Variants in LST1 observed in about 807,000 individuals in gnomAD.
LST1 encodes the protein leukocyte specific transcript 1, also known as leukocyte-specific transcript 1 protein.
Under a neutral mutation model 8.5 loss-of-function variants are expected in LST1, and 9 were observed. The ratio of observed to expected loss-of-function variants is 1.06; its 90% confidence interval spans 0.64 to 1.85. LST1 has a LOEUF of 1.85. Ranked by LOEUF, LST1 falls within the 40% of genes most tolerant of loss-of-function variation. The pLI is 0.00. For missense variants in LST1, 121 were observed against 117.1 expected (o/e 1.03, Z -0.16); for synonymous variants, 53 against 50.4 (o/e 1.05, Z -0.21).
chr6:31,588,604 CAGAGACA>C lies in LST1; in HGVS notation c.228_234del (p.Asp76GlufsTer42). On this transcript the variant is annotated frameshift_variant, in exon 5 of 5. Coordinates refer to ENST00000438075, the MANE Select transcript of LST1 (RefSeq NM_205839.3). LOFTEE classifies it low-confidence loss of function (END_TRUNC). ...GCAGTGAGGGACCTGACCTCAGGGG[CAGAGACA>C]AGAGAGGCACCAAGGAGGATCCAAG... The C allele has an allele frequency of 6.2e-7, 1 of 1,613,078 alleles. No individual in the cohort carries two copies. Among genetic ancestry groups the C allele is most frequent in the Non-Finnish European group, 8.5e-7 (1 of 1,180,014 alleles).
chr6:31,587,251 CA>C lies in LST1; in HGVS notation c.-47del. ...CCCCTGATCATTTCGCCTAAAAGAG[CA>C]AGGACTAGAGTTCCTGACCTCCAGG... On this transcript the variant is annotated 5_prime_UTR_variant, in exon 2 of 5. Coordinates refer to ENST00000438075, the MANE Select transcript of LST1 (RefSeq NM_205839.3). 7.7e-7 allele frequency: 1 copy of C among 1,303,076 alleles called. No individual in the cohort carries two copies. The highest frequency in any genetic ancestry group is 1.1e-6 in the Non-Finnish European group (1 of 896,992). The allele number at this position is 1,303,076 out of a possible 1,614,324, so 80.7% of individuals were successfully genotyped here. A position where few individuals can be genotyped will look rare whatever the true frequency, so the allele number is the denominator to read the frequency against.
intron 4 of LST1, 110 bp from the exon 5 acceptor site, chr6:31,588,407 AG>A: frequency 9.9e-7 from 1 of 1,014,694 alleles, no homozygotes; most frequent in Non-Finnish European, 1.4e-6. Context: ...AGAGAGGGAG[AG>A]AGAGAGAGAG....
At chr6:31,588,306 A>C in intron 4 of LST1, 1 of 630,710 alleles carries the variant, frequency 1.6e-6, no homozygotes, top group South Asian at 2.1e-5. Context: ...TGAGGCAGGA[A>C]GATAGCTTGA....
chr6:31,588,596 C>T lies in LST1; in HGVS notation c.214C>T (p.Leu72Phe). Reference sequence around the variant, plus strand: ...AGTGCCCAGCAGTGAGGGACCTGACCTCAGGGGCAGAGACAAGAGAGGCAC... The same window carrying T: ...AGTGCCCAGCAGTGAGGGACCTGACTTCAGGGGCAGAGACAAGAGAGGCAC... ...LPVPSSEGPDLRGRDKRGTKE... is the reference protein window; with the variant it reads ...LPVPSSEGPDFRGRDKRGTKE... Residue 72 changes from leucine (L) to phenylalanine (F), a missense_variant, in exon 5 of 5, where the codon CTC (leucine) becomes TTC (phenylalanine). By Grantham distance (22) the Leu-to-Phe change is conservative. Coordinates refer to ENST00000438075, the MANE Select transcript of LST1 (RefSeq NM_205839.3). 1 of 1,613,074 alleles carries T rather than the reference C, an allele frequency of 6.2e-7. No individual in the cohort carries two copies. Among genetic ancestry groups the T allele is most frequent in the South Asian group, 1.1e-5 (1 of 91,078 alleles).
At position 31,587,937 on chromosome 6, in the gene LST1, C is replaced by G. The variant is rs1243329221; in HGVS notation, c.113-7C>G. ...TGGGCTGTGTTGAGCTTCTTCTTTT[C>G]TTCCAGTAAAGAGGCTGGAGAGGAG... On this transcript the variant is annotated splice_polypyrimidine_tract_variant and splice_region_variant and intron_variant, in intron 3 of 4. Coordinates refer to ENST00000438075, the MANE Select transcript of LST1 (RefSeq NM_205839.3). 6.2e-7 allele frequency: 1 copy of G among 1,609,764 alleles called. No individual in the cohort carries two copies. Among genetic ancestry groups the G allele is most frequent in the Non-Finnish European group, 8.5e-7 (1 of 1,178,354 alleles).
rs41266647 is a variant in LST1 at position 31,588,224 on chromosome 6, A to AAG, written c.135+275_135+276dup. ...AGAGACACAAAGAGAAGAGCAATGA[A>AAG]AGAGAGAGAGAGAGAGAGGCTCCAG... On this transcript the variant is annotated intron_variant, in intron 4 of 4. Transcript: ENST00000438075. The AAG allele has an allele frequency of 4.7e-3, 2,584 of 550,594 alleles. 41 individuals are homozygous for AAG. In the East Asian group the frequency reaches 0.068, roughly 14 times the overall value. The allele number at this position is 550,594 out of a possible 1,614,324, so 34.1% of individuals were successfully genotyped here. A position where few individuals can be genotyped will look rare whatever the true frequency, so the allele number is the denominator to read the frequency against.
In LST1 at chr6:31,587,288, A is replaced by T. The variant is rs1172551918; in HGVS notation, c.-12A>T. The T allele has an allele frequency of 6.2e-7, 1 of 1,605,396 alleles. No homozygotes were observed. The highest frequency in any genetic ancestry group is 2.2e-5 in the East Asian group (1 of 44,834). ...TTCCTGACCTCCAGGCCAGTCCCTG[A>T]TCCCTGACCTAATGTTATCGCGGAA... On this transcript the variant is annotated 5_prime_UTR_variant, in exon 2 of 5. Transcript: ENST00000438075.
At position 31,587,742 on chromosome 6, in the gene LST1, T is replaced by C; in HGVS notation, c.112+9T>C. Reference sequence around the variant, plus strand: ...TTGGCTGCATCGAAGAGGTGAGCGCTGCACTCCCTCCCTCCCCCTGCAGCA... The same window carrying C: ...TTGGCTGCATCGAAGAGGTGAGCGCCGCACTCCCTCCCTCCCCCTGCAGCA... On this transcript the variant is annotated intron_variant, in intron 3 of 4. Transcript: ENST00000438075. 6.3e-7 allele frequency: 1 copy of C among 1,580,038 alleles called. No homozygotes were observed. Among genetic ancestry groups the C allele is most frequent in the Non-Finnish European group, 8.6e-7 (1 of 1,162,360 alleles).
intron 1 of LST1, chr6:31,586,593 G>A (rs1233771742): frequency 6.6e-6 from 1 of 152,222 alleles, no homozygotes; most frequent in Non-Finnish European, 1.5e-5. Flanking sequence ...CTGGCTCTGG[G>A]GTGAAGAGAA....
intron 1 of LST1, chr6:31,586,937 G>A (rs9469027): frequency 2.1e-5 from 7 of 339,060 alleles, no homozygotes; most frequent in East Asian, 5.5e-5. Context: ...TCCAAACCAC[G>A]TGGTCAGCCC....
intron 1 of LST1, 189 bp from the exon 2 acceptor site, chr6:31,587,011 T>A: frequency 1.8e-6 from 1 of 558,120 alleles, no homozygotes; most frequent in Non-Finnish European, 3.2e-6. Context: ...CAGCTCCACC[T>A]TTCTGGGATG....
In LST1 at chr6:31,587,317, T is replaced by C; in HGVS notation, c.18T>C (p.Asp6=). Residue 6 remains aspartate, a splice_region_variant and synonymous_variant, in exon 2 of 5, where the codon GAT becomes GAC. Transcript: ENST00000438075. MLSRN[D]DICIYGGLGL... Reference sequence around the variant, plus strand: ...CTGACCTAATGTTATCGCGGAATGATGGTAAGTAAAGTGTCTCTTGCATCT... The same window carrying C: ...CTGACCTAATGTTATCGCGGAATGACGGTAAGTAAAGTGTCTCTTGCATCT... 1 of 1,613,002 alleles carries C rather than the reference T, an allele frequency of 6.2e-7. No individual in the cohort carries two copies. The highest frequency in any genetic ancestry group is 8.5e-7 in the Non-Finnish European group (1 of 1,179,028).
chr6:31,587,033 A>G, intron 1 of LST1, 167 bp from the exon 2 acceptor site: 1 of 578,252 alleles, frequency 1.7e-6, no homozygotes, highest in Non-Finnish European at 3.1e-6. Flanking sequence ...GTGACCTAGT[A>G]AAGTCCAGGC....
chr6:31,588,394 G>A (rs1772224840), intron 4 of LST1, 124 bp from the exon 5 acceptor site: 1 of 929,914 alleles, frequency 1.1e-6, no homozygotes, highest in Non-Finnish European at 1.6e-6. Flanking sequence ...GAGAGAGAGA[G>A]AGAGAGAGGG....
chr6:31,588,076 G>A, intron 4 of LST1, 110 bp downstream of exon 4: 4 of 1,118,204 alleles, frequency 3.6e-6, no homozygotes, highest in Non-Finnish European at 5.1e-6. Context: ...GACAAGGAGA[G>A]AGAAAGTAGG....
Position 31,587,626 on chromosome 6 carries a change from C to T in LST1, c.20-15C>T. The T allele has an allele frequency of 1.3e-6, 2 of 1,527,350 alleles. No homozygotes were observed. The highest frequency in any genetic ancestry group is 1.8e-6 in the Non-Finnish European group (2 of 1,115,424). 94.6% of individuals were successfully genotyped at this position (1,527,350 alleles called of 1,614,324 possible). A position where few individuals can be genotyped will look rare whatever the true frequency, so the allele number is the denominator to read the frequency against. On this transcript the variant is annotated splice_polypyrimidine_tract_variant and intron_variant, in intron 2 of 4. Transcript: ENST00000438075. ...AAGGAATGGGCTTCCTAACCTTGAG[C>T]CCTCTTCCCTGAAGATATATGTATC...
rs143086044 is a variant in LST1 at position 31,588,301 on chromosome 6, C to G, written c.136-217C>G. 558 of 623,118 alleles carry G rather than the reference C, an allele frequency of 9.0e-4. 2 individuals are homozygous for G. The highest frequency in any genetic ancestry group is 6.7e-3 in the African/African-American group (355 of 52,938). 38.6% of individuals were successfully genotyped at this position (623,118 alleles called of 1,614,324 possible). On this transcript the variant is annotated intron_variant, in intron 4 of 4. Coordinates refer to ENST00000438075, the MANE Select transcript of LST1 (RefSeq NM_205839.3). ...CATTCCAGCTATCGCAAGGCTGAGGCAGGAAGATAGCTTGAGCTCAGGGGT... is the reference window on the plus strand; with the variant it reads ...CATTCCAGCTATCGCAAGGCTGAGGGAGGAAGATAGCTTGAGCTCAGGGGT...
At position 31,587,270 on chromosome 6, in the gene LST1, C is replaced by T; in HGVS notation, c.-30C>T. On this transcript the variant is annotated 5_prime_UTR_variant, in exon 2 of 5. Transcript: ENST00000438075. The stretch of plus-strand genomic sequence containing the variant: ...AAAGAGCAAGGACTAGAGTTCCTGA[C>T]CTCCAGGCCAGTCCCTGATCCCTGA... The T allele has an allele frequency of 6.5e-7, 1 of 1,538,166 alleles. No homozygotes were observed. The highest frequency in any genetic ancestry group is 9.0e-7 in the Non-Finnish European group (1 of 1,110,678).
In LST1 at chr6:31,588,401, A is replaced by AGG; in HGVS notation, c.136-115_136-114dup. The AGG allele has an allele frequency of 1.7e-5, 13 of 756,124 alleles. No homozygotes were observed. The South Asian group carries it at 2.5e-4, about 15-fold the overall frequency. The allele number at this position is 756,124 out of a possible 1,614,324, so 46.8% of individuals were successfully genotyped here. A position where few individuals can be genotyped will look rare whatever the true frequency, so the allele number is the denominator to read the frequency against. On this transcript the variant is annotated intron_variant, in intron 4 of 4. Coordinates refer to ENST00000438075, the MANE Select transcript of LST1 (RefSeq NM_205839.3). The stretch of plus-strand genomic sequence containing the variant: ...GAGAGAGAGAGAGAGAGAGAGAGAG[A>AGG]GGGAGAGAGAGAGAGAGAGAGGGAG...
Sources: allele counts gnomAD v4.1 joint callset, GRCh38; gene constraint gnomAD v4.1.1; transcripts MANE v1.5; gene names NCBI Gene and HGNC (gene_info 2026-07-23, HGNC 2026-07-21).